The following OPCML variants were observed in gnomAD, a reference collection of about 807,000 sequenced individuals.
The protein encoded by OPCML is opioid binding protein/cell adhesion molecule like, also known as opioid-binding protein/cell adhesion molecule.
Under a neutral mutation model 37.8 loss-of-function variants are expected in OPCML, and 13 were observed. The observed-to-expected ratio is 0.34, with a 90% CI of 0.22 to 0.55. The LOEUF (loss-of-function observed/expected upper bound fraction) is 0.55, where lower values mean the gene tolerates loss of function less well. Among genes scored for constraint, OPCML ranks in the 20% least tolerant of loss-of-function variants. The pLI is 0.91. For missense variants in OPCML, 341 were observed against 435.6 expected (o/e 0.78, Z 1.93); for synonymous variants, 176 against 168.8 (o/e 1.04, Z -0.33).
chr11:133,318,903 T>C (rs1943265803), intron 1 of OPCML, among the ~76,000 whole-genome samples: 3 of 151,982 alleles, frequency 2.0e-5, no homozygotes, highest in Non-Finnish European at 4.4e-5. Context: ...CACGGGCACC[T>C]GTAATCCCAG....
intron 1 of OPCML, among the ~76,000 whole-genome samples, chr11:133,479,479 C>T (rs902513220): frequency 1.3e-5 from 2 of 152,190 alleles, no homozygotes; most frequent in African/African-American, 4.8e-5. Flanking sequence ...AGCTCCATAG[C>T]CTATGTGTTG....
At position 132,436,784 on chromosome 11, in the gene OPCML, G is replaced by A. The variant is rs1291381410; in HGVS notation, c.644-5C>T. The stretch of plus-strand genomic sequence containing the variant: ...CTTTTGAGATATAGGGAGGATCTGT[G>A]GGAAACACACACACACACATGCACA... On this transcript the variant is annotated splice_region_variant and splice_polypyrimidine_tract_variant and intron_variant, in intron 5 of 7. Transcript: ENST00000524381. 1.2e-6 allele frequency: 2 copies of A among 1,613,674 alleles called. No homozygotes were observed. The highest frequency in any genetic ancestry group is 1.7e-6 in the Non-Finnish European group (2 of 1,179,862).
intron 4 of OPCML, among the ~76,000 whole-genome samples, chr11:132,439,790 C>T (rs2096026195): frequency 6.6e-6 from 1 of 151,698 alleles, no homozygotes; most frequent in Non-Finnish European, 1.5e-5. Flanking sequence ...CAAAATGTAC[C>T]ACAGAGGATT....
intron 2 of OPCML, among the ~76,000 whole-genome samples, chr11:132,686,546 G>A (rs1171052605): frequency 6.6e-6 from 1 of 152,136 alleles, no homozygotes. Context: ...TGCCTCTTAT[G>A]CAAATAGTTT....
At chr11:132,833,371 C>A (rs779336302) in intron 2 of OPCML, among the ~76,000 whole-genome samples, 1 of 151,926 alleles carries the variant, frequency 6.6e-6, no homozygotes, top group Non-Finnish European at 1.5e-5. Context: ...CCTTCACCTC[C>A]GTATCTCATC....
intron 1 of OPCML, among the ~76,000 whole-genome samples, chr11:133,218,089 C>T (rs115354192): frequency 0.016 from 2,399 of 151,328 alleles, 62 homozygotes; most frequent in African/African-American, 0.056. Flanking sequence ...TCTTGCTGAA[C>T]CTGCTTCACG....
At chr11:132,616,323 C>T (rs1618985) in intron 3 of OPCML, among the ~76,000 whole-genome samples, 108,989 of 152,092 alleles carry the variant, frequency 0.72, 39,427 homozygotes, top group East Asian at 0.87. Flanking sequence ...AAATGTATAG[C>T]TGGCACTATT....
At chr11:133,165,253 C>G (rs1220085173) in intron 1 of OPCML, among the ~76,000 whole-genome samples, 1 of 152,130 alleles carries the variant, frequency 6.6e-6, no homozygotes, top group Admixed American at 6.5e-5. Context: ...CGAGGGTTTT[C>G]CTGTGCCAAA....
chr11:132,526,171 G>A (rs116628144), intron 4 of OPCML, among the ~76,000 whole-genome samples: 151 of 152,214 alleles, frequency 9.9e-4, no homozygotes, highest in African/African-American at 3.6e-3. Context: ...ATTGTTTCAG[G>A]ACATTTACAC....
intron 2 of OPCML, among the ~76,000 whole-genome samples, chr11:132,880,387 A>G (rs1943184082): frequency 6.6e-6 from 1 of 152,100 alleles, no homozygotes; most frequent in Admixed American, 6.6e-5. Flanking sequence ...TTATCTTTTG[A>G]TTAATTCAGT....
chr11:132,638,801 T>C lies in OPCML; in HGVS notation c.379+18286A>G, dbSNP rs550787802. Among the ~76,000 whole-genome samples the C allele has an allele frequency of 5.1e-4, 78 of 152,244 alleles. No homozygotes were observed. In the South Asian group the frequency reaches 0.016, roughly 32 times the overall value. On this transcript the variant is annotated intron_variant, in intron 3 of 7. Transcript: ENST00000524381. Reference sequence around the variant, plus strand: ...CAACCAACACTCCCATTCCCTAGCCTCCTGCCCACCAAACTATCCTTTAAA... The same window carrying C: ...CAACCAACACTCCCATTCCCTAGCCCCCTGCCCACCAAACTATCCTTTAAA...
intron 2 of OPCML, among the ~76,000 whole-genome samples, chr11:132,925,785 G>A (rs1273539045): frequency 2.6e-5 from 4 of 152,138 alleles, no homozygotes; most frequent in Non-Finnish European, 4.4e-5. Flanking sequence ...AAGAATTGTT[G>A]ATTTTCAGTG....
chr11:133,311,969 G>A (rs1320609804), intron 1 of OPCML, among the ~76,000 whole-genome samples: 2 of 152,146 alleles, frequency 1.3e-5, no homozygotes, highest in East Asian at 3.9e-4. Context: ...TTCACTGCAG[G>A]GGCTTTATTC....
intron 1 of OPCML, among the ~76,000 whole-genome samples, chr11:133,263,472 T>G (rs142496646): frequency 4.2e-4 from 64 of 152,340 alleles, no homozygotes; most frequent in African/African-American, 1.5e-3. Context: ...CTAGCAGCAG[T>G]AGGCTCTGCC....
At chr11:133,502,087 T>C (rs1256614322) in intron 1 of OPCML, among the ~76,000 whole-genome samples, 2 of 152,000 alleles carry the variant, frequency 1.3e-5, no homozygotes, top group Non-Finnish European at 2.9e-5. Flanking sequence ...TCTCTGACTG[T>C]GGAGGACAAG....
At chr11:133,149,788 A>G (rs4430517) in intron 1 of OPCML, among the ~76,000 whole-genome samples, 68,406 of 152,100 alleles carry the variant, frequency 0.45, 17,591 homozygotes, top group African/African-American at 0.71. Flanking sequence ...GTAATCCTTC[A>G]TTCTCAACAG....
At chr11:132,739,773 C>G (rs570945354) in intron 2 of OPCML, among the ~76,000 whole-genome samples, 1 of 152,212 alleles carries the variant, frequency 6.6e-6, no homozygotes, top group South Asian at 2.1e-4. Flanking sequence ...GTACCAGAGC[C>G]CAAAGCTAGC....
At chr11:133,102,124 G>A (rs1949092468) in intron 1 of OPCML, among the ~76,000 whole-genome samples, 1 of 152,150 alleles carries the variant, frequency 6.6e-6, no homozygotes, top group Non-Finnish European at 1.5e-5. Flanking sequence ...TTATCATGGT[G>A]GATACATGTC....
At chr11:132,804,564 C>T (rs1400008650) in intron 2 of OPCML, among the ~76,000 whole-genome samples, 2 of 150,240 alleles carry the variant, frequency 1.3e-5, no homozygotes, top group Non-Finnish European at 3.0e-5. Flanking sequence ...GAAATTTAGG[C>T]CCCGCTAGAA....
Sources: gnomAD v4.1 joint callset for allele counts (sites outside exome capture counted in the v4.1 genomes callset) on GRCh38, gnomAD v4.1.1 for gene constraint, MANE v1.5 for transcripts, NCBI Gene and HGNC (gene_info 2026-07-23, HGNC 2026-07-21) for gene names.